Variants in ECPAS observed in about 807,000 individuals in gnomAD.
The protein encoded by ECPAS is proteasome adapter and scaffold protein ECM29.
Under a neutral mutation model 255.1 loss-of-function variants are expected in ECPAS, and 70 were observed. That is an observed-to-expected ratio of 0.27 (90% CI 0.23 to 0.33). The LOEUF (loss-of-function observed/expected upper bound fraction) is 0.33, where lower values mean the gene tolerates loss of function less well. Ranked by LOEUF, ECPAS falls within the 10% of genes least tolerant of loss-of-function variation. The probability of loss-of-function intolerance (pLI) is 1.00; values close to 1 mark genes in which losing one functional copy is unlikely to be tolerated. For missense variants in ECPAS, 1,817 were observed against 2,206.4 expected (o/e 0.82, Z 3.54); for synonymous variants, 784 against 775.0 (o/e 1.01, Z -0.19).
At chr9:111,421,700 T>C (rs1020393753) in intron 15 of ECPAS, among the ~76,000 whole-genome samples, 6 of 152,236 alleles carry the variant, frequency 3.9e-5, no homozygotes, top group African/African-American at 1.4e-4. Context: ...AAGAATAGTT[T>C]TCCCACATGG....
rs2098232540 is a variant in ECPAS at position 111,433,103 on chromosome 9, C to G, written c.848+130G>C. On this transcript the variant is annotated intron_variant, in intron 8 of 49. Transcript: ENST00000684092. ...ACTCTTTAGCAAACTTGATTACAAA[C>G]TAGGTATATTTAATAATCTCCTCTA... The G allele has an allele frequency of 8.1e-6, 7 of 867,192 alleles. No homozygotes were observed. The South Asian group carries it at 1.2e-4, about 15-fold the overall frequency. 53.7% of individuals were successfully genotyped at this position (867,192 alleles called of 1,614,324 possible).
intron 24 of ECPAS, among the ~76,000 whole-genome samples, chr9:111,403,590 T>C (rs981640488): frequency 8.0e-5 from 12 of 149,588 alleles, no homozygotes; most frequent in African/African-American, 2.8e-4. Flanking sequence ...GCAAACACTA[T>C]TGGAGCACTC....
chr9:111,463,550 A>G (rs1351507325), intron 2 of ECPAS, among the ~76,000 whole-genome samples: 6 of 152,218 alleles, frequency 3.9e-5, no homozygotes, highest in Non-Finnish European at 4.4e-5. Flanking sequence ...TTTCCATAAA[A>G]GTGCAGTAGG....
At chr9:111,418,337 A>T (rs972525580) in intron 16 of ECPAS, among the ~76,000 whole-genome samples, 1 of 152,230 alleles carries the variant, frequency 6.6e-6, no homozygotes, top group African/African-American at 2.4e-5. Flanking sequence ...ACTATAATAC[A>T]TATTTTAGAA....
At chr9:111,425,526 A>T in intron 11 of ECPAS, 30 bp from the exon 12 acceptor site, 1 of 1,465,852 alleles carries the variant, frequency 6.8e-7, no homozygotes, top group East Asian at 2.3e-5. Flanking sequence ...ACACAAAGCA[A>T]GATAAGAATC....
chr9:111,395,063 G>T (rs1285382310), intron 25 of ECPAS, among the ~76,000 whole-genome samples: 1 of 152,128 alleles, frequency 6.6e-6, no homozygotes, highest in East Asian at 1.9e-4. Context: ...CACTTTAGTC[G>T]ATCTATTGGC....
intron 28 of ECPAS, among the ~76,000 whole-genome samples, chr9:111,392,374 C>T (rs2098161444): frequency 1.3e-5 from 2 of 152,222 alleles, no homozygotes; most frequent in Admixed American, 6.5e-5. Flanking sequence ...GAAAAACTAT[C>T]CTTCCTACAA....
chr9:111,408,763 GCA>G (rs1473019649), intron 23 of ECPAS, 91 bp from the exon 24 acceptor site: 4 of 697,284 alleles, frequency 5.7e-6, no homozygotes, highest in Non-Finnish European at 9.2e-6. Flanking sequence ...ACAGGGAAGC[GCA>G]GTCTATCTAA....
intron 15 of ECPAS, among the ~76,000 whole-genome samples, chr9:111,421,425 G>C (rs1033906721): frequency 1.7e-4 from 25 of 151,354 alleles, no homozygotes; most frequent in Non-Finnish European, 2.1e-4. Flanking sequence ...GTGTGTGTGT[G>C]TGTGTGTGTG....
chr9:111,414,414 G>C lies in ECPAS; in HGVS notation c.1987+15C>G, dbSNP rs755380450. 6.2e-7 allele frequency: 1 copy of C among 1,603,950 alleles called. No individual in the cohort carries two copies. The highest frequency in any genetic ancestry group is 8.5e-7 in the Non-Finnish European group (1 of 1,171,610). ...AAGTGCTTCAGTATCTTTCCTTCGC[G>C]TCACATATTCCTACCTCCAACACCT... On this transcript the variant is annotated intron_variant, in intron 19 of 49. Coordinates refer to ENST00000684092, the MANE Select transcript of ECPAS (RefSeq NM_001364929.1).
At chr9:111,459,210 C>CT (rs1314102856) in intron 2 of ECPAS, among the ~76,000 whole-genome samples, 7 of 150,800 alleles carry the variant, frequency 4.6e-5, no homozygotes, top group South Asian at 2.1e-4. Context: ...TTACCTTTTT[C>CT]TTTTTTTTTC....
In ECPAS at chr9:111,383,173, G is replaced by A. The variant is rs2098142781; in HGVS notation, c.3803+38C>T. ...AAGAAACACAATTTCTAGGAACTGA[G>A]CAAATCCAATACATTCATTTCATCA... On this transcript the variant is annotated intron_variant, in intron 35 of 49. Coordinates refer to ENST00000684092, the MANE Select transcript of ECPAS (RefSeq NM_001364929.1). The A allele has an allele frequency of 2.5e-6, 4 of 1,605,854 alleles. No individual in the cohort carries two copies. The African/African-American group carries it at 4.0e-5, about 16-fold the overall frequency.
At position 111,375,159 on chromosome 9, in the gene ECPAS, G is replaced by C. The variant is rs1353299692; in HGVS notation, c.4064C>G (p.Pro1355Arg). 1 of 1,613,590 alleles carries C rather than the reference G, an allele frequency of 6.2e-7. No individual in the cohort carries two copies. The highest frequency in any genetic ancestry group is 1.3e-5 in the African/African-American group (1 of 74,898). ...ACTTCTGATCAGTTCACACAACCTA[G>C]GAACTAGCTCGCCCAGCACTGACAC... ...LDVSVLGELV[P>R]RLCELIRSGV... The change falls in exon 38 of 50, where the codon CCT (proline) becomes CGT (arginine). Residue 1355 changes from proline (P) to arginine (R), a missense_variant. Pro to Arg is a moderately radical substitution (Grantham distance 103). Transcript: ENST00000684092.
chr9:111,401,018 AG>A (rs2098175161), intron 24 of ECPAS, among the ~76,000 whole-genome samples: 1 of 152,210 alleles, frequency 6.6e-6, no homozygotes, highest in South Asian at 2.1e-4. Flanking sequence ...AAGTACCAAG[AG>A]AAAAGAAGCA....
rs765815463 is a variant in ECPAS at position 111,392,865 on chromosome 9, C to A, written c.2995G>T (p.Ala999Ser). ...TAAACCAACCCAAGGCCCTTTGATG[C>A]AACATCTTGGCTAAGTTCTACAAGA... Reference protein sequence around the residue: ...SENDELSQDVASKGLGLVYEL... With the variant: ...SENDELSQDVSSKGLGLVYEL... Residue 999 changes from alanine (A) to serine (S), a missense_variant, in exon 28 of 50, where the codon GCA becomes TCA. Ala to Ser is a moderately conservative substitution (Grantham distance 99). This residue lies in a region of ECPAS where 960 missense variants were observed against 1,179.0 expected (regional missense o/e 0.81). Coordinates refer to ENST00000684092, the MANE Select transcript of ECPAS (RefSeq NM_001364929.1). 3 of 1,610,970 alleles carry A rather than the reference C, an allele frequency of 1.9e-6. No individual in the cohort carries two copies. The highest frequency in any genetic ancestry group is 2.2e-5 in the East Asian group (1 of 44,780).
chr9:111,441,872 G>T (rs914638498), intron 5 of ECPAS, among the ~76,000 whole-genome samples: 109 of 152,268 alleles, frequency 7.2e-4, no homozygotes, highest in Middle Eastern at 3.4e-3. Context: ...CCTAAGCCTA[G>T]AAACAAATGA....
intron 2 of ECPAS, among the ~76,000 whole-genome samples, chr9:111,454,186 T>A (rs183829956): frequency 6.6e-6 from 1 of 151,524 alleles, no homozygotes; most frequent in African/African-American, 2.4e-5. Flanking sequence ...CCATAGAAAC[T>A]ACAAATCTGA....
At position 111,425,767 on chromosome 9, in the gene ECPAS, T is replaced by C. The variant is rs2098220634; in HGVS notation, c.1112A>G (p.Gln371Arg). 6.3e-7 allele frequency: 1 copy of C among 1,586,488 alleles called. No homozygotes were observed. Among genetic ancestry groups the C allele is most frequent in the Non-Finnish European group, 8.6e-7 (1 of 1,158,122 alleles). The change falls in exon 11 of 50, where the codon CAA becomes CGA. Residue 371 changes from glutamine to arginine, a missense_variant. Coordinates refer to ENST00000684092, the MANE Select transcript of ECPAS (RefSeq NM_001364929.1). ...CGTTATACAAATATGATGCACAAAT[T>C]GCAGGGATAATGTTCTTAACTTTGA... is the stretch of plus-strand genomic sequence containing the variant. ...TNSKLRTLSL[Q>R]FVHHICITCP...
chr9:111,417,342 G>C (rs942280443), intron 17 of ECPAS, among the ~76,000 whole-genome samples: 1 of 152,140 alleles, frequency 6.6e-6, no homozygotes, highest in Non-Finnish European at 1.5e-5. Flanking sequence ...AAGCATGAAA[G>C]GAATTATAAG....
Sources: allele counts gnomAD v4.1 joint callset (sites outside exome capture counted in the v4.1 genomes callset), GRCh38; gene constraint gnomAD v4.1.1; regional missense constraint gnomAD v4.1.1; transcripts MANE v1.5; gene names NCBI Gene and HGNC (gene_info 2026-07-23, HGNC 2026-07-21).